DPP10: variants seen among roughly 807,000 people sequenced by gnomAD.
DPP10 encodes the protein dipeptidyl peptidase like 10.
Under a neutral mutation model 120.9 loss-of-function variants are expected in DPP10, and 33 were observed. The observed-to-expected ratio is 0.27, with a 90% CI of 0.21 to 0.37. DPP10 has a LOEUF of 0.37. Ranked by LOEUF, DPP10 falls within the 10% of genes least tolerant of loss-of-function variation. The pLI is 1.00. For missense variants in DPP10, 816 were observed against 942.8 expected (o/e 0.87, Z 1.76); for synonymous variants, 337 against 326.1 (o/e 1.03, Z -0.36).
At chr2:115,729,838 A>G (rs2092858642) in intron 8 of DPP10, among the ~76,000 whole-genome samples, 1 of 151,914 alleles carries the variant, frequency 6.6e-6, no homozygotes, top group Non-Finnish European at 1.5e-5. Flanking sequence ...CATCTGAGTC[A>G]AGCCTGAACA....
At position 115,459,807 on chromosome 2, in the gene DPP10, A is replaced by G. The variant is rs547954614; in HGVS notation, c.272-39703A>G. ...CAGTTGAATGACTGGAATTATTTCT[A>G]ACTTCTGAGATTTGATATTGGTTCT... is the stretch of plus-strand genomic sequence containing the variant. On this transcript the variant is annotated intron_variant, in intron 3 of 25. Transcript: ENST00000410059. Among the ~76,000 whole-genome samples the G allele has an allele frequency of 1.3e-4, 20 of 151,852 alleles. No homozygotes were observed. The South Asian group carries it at 4.2e-3, about 32-fold the overall frequency.
intron 1 of DPP10, among the ~76,000 whole-genome samples, chr2:114,679,656 A>G (rs1318506264): frequency 6.6e-6 from 1 of 152,026 alleles, no homozygotes; most frequent in Admixed American, 6.6e-5. Flanking sequence ...CCCTTTGATA[A>G]TTAGAACTAC....
intron 3 of DPP10, among the ~76,000 whole-genome samples, chr2:115,399,508 G>A (rs1227139036): frequency 1.3e-5 from 2 of 152,068 alleles, no homozygotes; most frequent in Non-Finnish European, 2.9e-5. Context: ...TCTCAAAATT[G>A]TAATAAGTCA....
At chr2:114,662,034 C>G (rs1697447963) in intron 1 of DPP10, among the ~76,000 whole-genome samples, 1 of 151,814 alleles carries the variant, frequency 6.6e-6, no homozygotes, top group Admixed American at 6.6e-5. Context: ...CCCGGGCTCT[C>G]CAGGCCGCGC....
At chr2:115,624,321 T>C (rs4516432) in intron 5 of DPP10, among the ~76,000 whole-genome samples, 32,836 of 152,116 alleles carry the variant, frequency 0.22, 4,142 homozygotes, top group East Asian at 0.39. Context: ...TCTCATATTT[T>C]CCTTCCTTGA....
At chr2:114,827,418 G>A (rs548759259) in intron 1 of DPP10, among the ~76,000 whole-genome samples, 1 of 152,056 alleles carries the variant, frequency 6.6e-6, no homozygotes, top group Non-Finnish European at 1.5e-5. Context: ...AAAAAAACTG[G>A]GGTACTGACT....
chr2:115,124,181 G>C (rs901766865), intron 1 of DPP10, among the ~76,000 whole-genome samples: 2 of 152,072 alleles, frequency 1.3e-5, no homozygotes, highest in Admixed American at 1.3e-4. Flanking sequence ...AGACTCAAGC[G>C]ATCCTCCTGC....
chr2:114,443,421 A>G (rs1677768997), intron 1 of DPP10, among the ~76,000 whole-genome samples: 1 of 152,176 alleles, frequency 6.6e-6, no homozygotes, highest in South Asian at 2.1e-4. Context: ...ACACTCTTCA[A>G]TGCAGGTGTT....
At position 115,251,896 on chromosome 2, in the gene DPP10, T is replaced by C. The variant is rs754167272; in HGVS notation, c.61-57343T>C. ...ACAAAAGCATAGGCTGTAGAAAAAA[T>C]GGTTTTAGGTAGATTTTCTCTGGGC... On this transcript the variant is annotated intron_variant, in intron 1 of 25. Transcript: ENST00000410059. Among the ~76,000 whole-genome samples, 68 of 152,042 alleles carry C rather than the reference T, an allele frequency of 4.5e-4. 1 individual carries two copies. Among genetic ancestry groups the C allele is most frequent in the Non-Finnish European group, 8.2e-4 (56 of 67,998 alleles).
chr2:114,483,501 G>A (rs1318047268), intron 1 of DPP10, among the ~76,000 whole-genome samples: 1 of 151,520 alleles, frequency 6.6e-6, no homozygotes, highest in Non-Finnish European at 1.5e-5. Context: ...GAACCACATC[G>A]ATCCTGAAAG....
chr2:115,363,466 C>G (rs566982153), intron 3 of DPP10, among the ~76,000 whole-genome samples: 1 of 152,228 alleles, frequency 6.6e-6, no homozygotes, highest in Admixed American at 6.5e-5. Flanking sequence ...TCTCTAAGGC[C>G]CAACCAACCA....
chr2:114,919,659 A>C (rs1046279242), intron 1 of DPP10, among the ~76,000 whole-genome samples: 1 of 152,204 alleles, frequency 6.6e-6, no homozygotes, highest in African/African-American at 2.4e-5. Context: ...AGACATCAAC[A>C]GTTCTGGTTA....
At position 115,802,302 on chromosome 2, in the gene DPP10, T is replaced by G. The variant is rs957990880; in HGVS notation, c.1700+10946T>G. ...ATATCCCCTTTGTCATTTTTTATTG[T>G]GTCTATTTGATTCTTCTCTCTTTTC... On this transcript the variant is annotated intron_variant, in intron 19 of 25. Coordinates refer to ENST00000410059, the MANE Select transcript of DPP10 (RefSeq NM_020868.6). Among the ~76,000 whole-genome samples the G allele has an allele frequency of 8.5e-5, 13 of 152,308 alleles. No homozygotes were observed. In the East Asian group the frequency reaches 1.2e-3, roughly 14 times the overall value.
intron 1 of DPP10, among the ~76,000 whole-genome samples, chr2:114,612,069 G>A (rs1042945677): frequency 2.0e-5 from 3 of 152,006 alleles, no homozygotes; most frequent in Non-Finnish European, 4.4e-5. Context: ...CAATTCCTTT[G>A]TTAACACTAC....
At chr2:114,980,825 C>T (rs540201748) in intron 1 of DPP10, among the ~76,000 whole-genome samples, 1 of 152,002 alleles carries the variant, frequency 6.6e-6, no homozygotes, top group East Asian at 1.9e-4. Context: ...GTTTCATATG[C>T]CTGATTTTTT....
chr2:115,187,568 G>A (rs1380971375), intron 1 of DPP10, among the ~76,000 whole-genome samples: 1 of 152,190 alleles, frequency 6.6e-6, no homozygotes, highest in Non-Finnish European at 1.5e-5. Flanking sequence ...TAATGGGAAA[G>A]TGATGGTCCA....
intron 5 of DPP10, among the ~76,000 whole-genome samples, chr2:115,561,227 C>T (rs1465977431): frequency 6.6e-6 from 1 of 151,824 alleles, no homozygotes; most frequent in Admixed American, 6.6e-5. Context: ...GGCTTGGTGG[C>T]ACGCACCTGT....
intron 1 of DPP10, among the ~76,000 whole-genome samples, chr2:115,033,096 C>A (rs1402968548): frequency 6.6e-6 from 1 of 152,080 alleles, no homozygotes; most frequent in East Asian, 1.9e-4. Context: ...CTGTTCTTCA[C>A]GAGTTTTATT....
intron 1 of DPP10, among the ~76,000 whole-genome samples, chr2:114,763,301 G>A (rs1040683006): frequency 2.6e-5 from 4 of 152,180 alleles, no homozygotes; most frequent in Admixed American, 6.5e-5. Flanking sequence ...CATCCTGAGA[G>A]TGAAGAAGAA....
Sources: gnomAD v4.1 joint callset for allele counts (sites outside exome capture counted in the v4.1 genomes callset) on GRCh38, gnomAD v4.1.1 for gene constraint, MANE v1.5 for transcripts, NCBI Gene and HGNC (gene_info 2026-07-23, HGNC 2026-07-21) for gene names.